ERC1: variants seen among roughly 807,000 people sequenced by gnomAD.
ERC1 encodes RAB6 interacting protein 2.
Under a neutral mutation model 132.0 loss-of-function variants are expected in ERC1, and 56 were observed. That is an observed-to-expected ratio of 0.42 (90% CI 0.34 to 0.53). ERC1 has a LOEUF of 0.53. Among genes scored for constraint, ERC1 ranks in the 20% least tolerant of loss-of-function variants. The pLI, the probability that ERC1 is intolerant of heterozygous loss-of-function variation, is 0.03. For synonymous variants in ERC1, 478 were observed against 476.1 expected (o/e 1.00, Z -0.05); for missense variants, 1,202 against 1,349.9 (o/e 0.89, Z 1.72).
intron 13 of ERC1, among the ~76,000 whole-genome samples, chr12:1,252,779 G>A (rs1047594089): frequency 6.6e-6 from 1 of 152,178 alleles, no homozygotes; most frequent in African/African-American, 2.4e-5. Flanking sequence ...TTCTGTCTCT[G>A]TGTTGTGCTA....
At chr12:1,435,651 A>G (rs1466543645) in intron 17 of ERC1, among the ~76,000 whole-genome samples, 1 of 152,222 alleles carries the variant, frequency 6.6e-6, no homozygotes, top group Non-Finnish European at 1.5e-5. Flanking sequence ...ATATTGGCTG[A>G]GGGCCATTTT....
intron 18 of ERC1, among the ~76,000 whole-genome samples, chr12:1,470,494 T>C (rs952246885): frequency 2.6e-5 from 4 of 151,990 alleles, no homozygotes; most frequent in African/African-American, 9.7e-5. Context: ...ACTTTTCATT[T>C]CTGAGAGCCA....
chr12:1,196,939 CACACACACACACACACACACACATAT>C (rs1566214380), intron 12 of ERC1, among the ~76,000 whole-genome samples: 1 of 42,056 alleles, frequency 2.4e-5, no homozygotes, highest in African/African-American at 2.7e-4. Flanking sequence ...CACACACACA[CACACACACACACACACACACACATAT>C]ATATATATAT....
rs145496152 is a variant in ERC1 at position 1,003,810 on chromosome 12, C to T, written c.-157+12488C>T. On this transcript the variant is annotated intron_variant, in intron 1 of 18. Transcript: ENST00000360905. ...CAGAAAGAAGAATAAGCCAAAGGTT[C>T]CTGCTCCCTGTGATCTTTGTCCCAC... 3.2e-3 allele frequency among the ~76,000 whole-genome samples: 484 copies of T among 152,340 alleles called. 3 individuals carry two copies. The highest frequency in any genetic ancestry group is 0.022 in the South Asian group (105 of 4,826).
chr12:1,322,607 G>A (rs1214361336), intron 15 of ERC1, among the ~76,000 whole-genome samples: 1 of 152,122 alleles, frequency 6.6e-6, no homozygotes, highest in Non-Finnish European at 1.5e-5. Flanking sequence ...TTGAGTTCTA[G>A]TCTAAACATC....
At chr12:1,033,517 G>T (rs969699636) in intron 2 of ERC1, among the ~76,000 whole-genome samples, 2 of 151,056 alleles carry the variant, frequency 1.3e-5, no homozygotes, top group Non-Finnish European at 2.9e-5. Context: ...AGGCTGGAGC[G>T]CAATGGCACA....
At chr12:1,396,488 T>C (rs1591762000) in intron 16 of ERC1, among the ~76,000 whole-genome samples, 1 of 152,348 alleles carries the variant, frequency 6.6e-6, no homozygotes, top group African/African-American at 2.4e-5. Context: ...AATGAGACTC[T>C]GTCGCAGCCC....
intron 12 of ERC1, among the ~76,000 whole-genome samples, chr12:1,222,224 C>CTTTTTT (rs398116013): frequency 6.9e-6 from 1 of 145,958 alleles, no homozygotes; most frequent in South Asian, 2.2e-4. Flanking sequence ...TACATATTCT[C>CTTTTTT]TTTTTTTTTT....
chr12:1,235,021 G>T (rs180882415), intron 12 of ERC1, among the ~76,000 whole-genome samples: 1 of 152,276 alleles, frequency 6.6e-6, no homozygotes, highest in Admixed American at 6.5e-5. Context: ...AGATTTTGTG[G>T]AAATGTCACA....
chr12:1,458,039 G>C (rs1338109850), intron 18 of ERC1, among the ~76,000 whole-genome samples: 1 of 152,260 alleles, frequency 6.6e-6, no homozygotes, highest in African/African-American at 2.4e-5. Context: ...CAAAGGCACT[G>C]GGTTTGACCA....
intron 16 of ERC1, among the ~76,000 whole-genome samples, chr12:1,376,935 G>A (rs921296768): frequency 1.3e-5 from 2 of 152,016 alleles, no homozygotes; most frequent in African/African-American, 2.4e-5. Context: ...TCTTTCTCCC[G>A]TCATCCCAGC....
intron 8 of ERC1, among the ~76,000 whole-genome samples, chr12:1,173,780 GCTGGTCAGTGACACATATAAA>G (rs1953354440): frequency 6.6e-6 from 1 of 152,256 alleles, no homozygotes; most frequent in African/African-American, 2.4e-5. Flanking sequence ...TCATTCTTCA[GCTGGTCAGTGACACATATAAA>G]CTGAGGTCCT....
At chr12:1,049,120 G>A (rs1971509026) in intron 2 of ERC1, among the ~76,000 whole-genome samples, 1 of 152,176 alleles carries the variant, frequency 6.6e-6, no homozygotes, top group African/African-American at 2.4e-5. Flanking sequence ...GCCAGAGTAA[G>A]CAAATTGTTT....
chr12:1,187,348 A>G lies in ERC1; in HGVS notation c.2158-2511A>G, dbSNP rs1955210247. Among the ~76,000 whole-genome samples the G allele has an allele frequency of 5.3e-5, 8 of 151,984 alleles. No individual in the cohort carries two copies. The South Asian group carries it at 1.7e-3, about 32-fold the overall frequency. ...CATAAGGGAAGGGAAGGTTTATAGT[A>G]TCTTTGATTTTTTTTTTCCTAGCTT... On this transcript the variant is annotated intron_variant, in intron 11 of 18. Transcript: ENST00000360905.
intron 18 of ERC1, among the ~76,000 whole-genome samples, chr12:1,463,351 T>C (rs1283450292): frequency 6.6e-6 from 1 of 152,122 alleles, no homozygotes; most frequent in African/African-American, 2.4e-5. Context: ...ATCGCTCAAG[T>C]AGCCAAATGG....
chr12:1,029,921 T>C (rs1285845760), intron 2 of ERC1, among the ~76,000 whole-genome samples: 1 of 152,054 alleles, frequency 6.6e-6, no homozygotes, highest in Non-Finnish European at 1.5e-5. Flanking sequence ...CTAATATTTG[T>C]ATTTTTAGTA....
intron 12 of ERC1, among the ~76,000 whole-genome samples, chr12:1,192,769 T>G (rs1395480977): frequency 6.6e-6 from 1 of 152,168 alleles, no homozygotes; most frequent in Non-Finnish European, 1.5e-5. Context: ...CTGCTGGGGC[T>G]TGTTTGGAAT....
chr12:1,376,934 C>T lies in ERC1; in HGVS notation c.2925+4957C>T, dbSNP rs186044032. On this transcript the variant is annotated intron_variant, in intron 16 of 18. Coordinates refer to ENST00000360905, the MANE Select transcript of ERC1 (RefSeq NM_178040.4). Reference sequence around the variant, plus strand: ...CTTTCGGTACACGCGGTCTTTCTCCCGTCATCCCAGCACTACTTCCTTGAG... The same window carrying T: ...CTTTCGGTACACGCGGTCTTTCTCCTGTCATCCCAGCACTACTTCCTTGAG... 1.9e-3 allele frequency among the ~76,000 whole-genome samples: 286 copies of T among 152,288 alleles called. 1 individual carries two copies. The highest frequency in any genetic ancestry group is 6.0e-3 in the African/African-American group (248 of 41,562).
chr12:1,064,641 G>A (rs554646962), intron 2 of ERC1, among the ~76,000 whole-genome samples: 36 of 152,204 alleles, frequency 2.4e-4, no homozygotes, highest in Non-Finnish European at 4.4e-4. Flanking sequence ...GAATCCTCCC[G>A]CCTGGCCTCC....
Sources: allele counts gnomAD v4.1 joint callset (sites outside exome capture counted in the v4.1 genomes callset), GRCh38; gene constraint gnomAD v4.1.1; transcripts MANE v1.5; gene names NCBI Gene and HGNC (gene_info 2026-07-23, HGNC 2026-07-21).